Variants in ANXA8 observed in about 807,000 individuals in gnomAD.
The protein encoded by ANXA8 is VAC-beta.
ANXA8 carries 9 observed loss-of-function variants against 26.8 expected under a neutral mutation model. The observed-to-expected ratio is 0.34, with a 90% CI of 0.20 to 0.59. The LOEUF is 0.59. ANXA8 is among the 20% of genes least tolerant of loss of function. The probability of loss-of-function intolerance (pLI) is 0.84; values close to 1 mark genes in which losing one functional copy is unlikely to be tolerated. For synonymous variants in ANXA8, 39 were observed against 94.8 expected (o/e 0.41, Z 3.42); for missense variants, 83 against 238.5 (o/e 0.35, Z 4.29).
chr10:47,577,638 C>T, the ANXA8 span, among the ~76,000 whole-genome samples: 1 of 128,524 alleles, frequency 7.8e-6, no homozygotes, highest in Non-Finnish European at 1.6e-5. Flanking sequence ...CATACCACTG[C>T]ACTCCAGCCT....
the ANXA8 span, among the ~76,000 whole-genome samples, chr10:47,567,697 TTTA>T: frequency 1.3e-5 from 2 of 149,816 alleles, no homozygotes; most frequent in African/African-American, 2.5e-5. Context: ...GGTTTAAGTA[TTTA>T]TTATTATTGG....
chr10:47,528,604 CAAAAAGTTAA>C, the ANXA8 span, among the ~76,000 whole-genome samples: 1 of 151,374 alleles, frequency 6.6e-6, no homozygotes, highest in South Asian at 2.1e-4. Context: ...ATTTTTCCCA[CAAAAAGTTAA>C]AAGAAATAAC....
chr10:47,768,103 G>C, the ANXA8 span, among the ~76,000 whole-genome samples: 1 of 150,768 alleles, frequency 6.6e-6, no homozygotes, highest in Admixed American at 6.6e-5. Flanking sequence ...GGCAAGGCTT[G>C]TCCTTCCTCA....
At chr10:47,513,161 A>C in the ANXA8 span, among the ~76,000 whole-genome samples, 1 of 149,398 alleles carries the variant, frequency 6.7e-6, no homozygotes, top group Non-Finnish European at 1.5e-5. Context: ...CAGCCACCCG[A>C]GTAGATGGGA....
the ANXA8 span, among the ~76,000 whole-genome samples, chr10:47,699,715 C>A: frequency 6.6e-6 from 1 of 151,546 alleles, no homozygotes; most frequent in African/African-American, 2.4e-5. Flanking sequence ...GTGGTCCCAG[C>A]TGTTTGGGAG....
the ANXA8 span, among the ~76,000 whole-genome samples, chr10:47,940,926 G>A: frequency 7.1e-6 from 1 of 140,742 alleles, no homozygotes; most frequent in Non-Finnish European, 1.5e-5. Flanking sequence ...AAGAGGGAGG[G>A]AGGAAGGGAG....
the ANXA8 span, among the ~76,000 whole-genome samples, chr10:47,554,043 A>G: frequency 1.3e-5 from 2 of 149,468 alleles, no homozygotes; most frequent in Non-Finnish European, 3.0e-5. Flanking sequence ...AGGCCGAGGC[A>G]GGAGGATTGC....
Position 47,474,820 on chromosome 10 carries a change from A to G in ANXA8, c.552+125T>C. 3 of 1,200,672 alleles carry G rather than the reference A, an allele frequency of 2.5e-6. No homozygotes were observed. The South Asian group carries it at 4.1e-5, about 17-fold the overall frequency. The allele number at this position is 1,200,672 out of a possible 1,614,324, so 74.4% of individuals were successfully genotyped here. A position where few individuals can be genotyped will look rare whatever the true frequency, so the allele number is the denominator to read the frequency against. ...TCTCCTCCCCAGACACCACAGGACA[A>G]AGGCCTATAGGGAGCTGAGCTGGGT... On this transcript the variant is annotated intron_variant, in intron 7 of 11. Coordinates refer to ENST00000585281, the MANE Select transcript of ANXA8 (RefSeq NM_001040084.3).
At chr10:47,941,028 C>G in the ANXA8 span, among the ~76,000 whole-genome samples, 4 of 143,048 alleles carry the variant, frequency 2.8e-5, no homozygotes, top group Non-Finnish European at 6.0e-5. Flanking sequence ...GTCTTGGGCA[C>G]AGTACTTTAT....
chr10:47,951,955 A>G, the ANXA8 span, among the ~76,000 whole-genome samples: 3 of 150,716 alleles, frequency 2.0e-5, no homozygotes, highest in African/African-American at 7.4e-5. Flanking sequence ...TAATCAGTGC[A>G]ATTGACCAAT....
the ANXA8 span, among the ~76,000 whole-genome samples, chr10:47,735,357 A>G: frequency 3.4e-5 from 5 of 145,194 alleles, no homozygotes; most frequent in Admixed American, 3.5e-4. Context: ...GGCCTCCCAA[A>G]GTGCTAGGAC....
chr10:47,699,489 A>G, the ANXA8 span, among the ~76,000 whole-genome samples: 1 of 151,616 alleles, frequency 6.6e-6, no homozygotes, highest in Non-Finnish European at 1.5e-5. Flanking sequence ...AATTTAAATA[A>G]TAAGATAATT....
the ANXA8 span, among the ~76,000 whole-genome samples, chr10:47,699,984 T>A: frequency 1.3e-5 from 2 of 151,586 alleles, no homozygotes; most frequent in African/African-American, 4.9e-5. Context: ...GAGGAAAAAA[T>A]TTAAACACTC....
chr10:47,767,819 G>A, the ANXA8 span, among the ~76,000 whole-genome samples: 17 of 150,594 alleles, frequency 1.1e-4, 1 homozygote, highest in Middle Eastern at 7.1e-3. Flanking sequence ...AGCTAAGTCT[G>A]GGGCCATGGA....
the ANXA8 span, among the ~76,000 whole-genome samples, chr10:47,743,341 C>CACATATATATATATACAT: frequency 8.7e-4 from 47 of 53,742 alleles, 4 homozygotes; most frequent in African/African-American, 2.3e-3. Flanking sequence ...TATATATATA[C>CACATATATATATATACAT]ATATATATAT....
chr10:47,500,660 T>A, the ANXA8 span, among the ~76,000 whole-genome samples: 1 of 105,000 alleles, frequency 9.5e-6, no homozygotes, highest in Non-Finnish European at 1.8e-5. Context: ...AGATGCTCCT[T>A]TTTAAAAGCT....
At chr10:47,657,919 G>C in the ANXA8 span, among the ~76,000 whole-genome samples, 1 of 151,698 alleles carries the variant, frequency 6.6e-6, no homozygotes, top group Non-Finnish European at 1.5e-5. Flanking sequence ...CTTTGGTGCT[G>C]ACTTCTCCTG....
intron 1 of ANXA8, among the ~76,000 whole-genome samples, chr10:47,482,792 C>T (rs1168873880): frequency 4.7e-5 from 7 of 150,348 alleles, no homozygotes; most frequent in Admixed American, 4.6e-4. Flanking sequence ...AGGACACTTG[C>T]TTGGGTTGCG....
At chr10:47,954,705 A>AG in the ANXA8 span, among the ~76,000 whole-genome samples, 2 of 150,948 alleles carry the variant, frequency 1.3e-5, 1 homozygote, top group African/African-American at 4.9e-5. Flanking sequence ...AAAATAAAAA[A>AG]AAAACAGAAA....
Sources: allele counts gnomAD v4.1 joint callset (sites outside exome capture counted in the v4.1 genomes callset), GRCh38; gene constraint gnomAD v4.1.1; transcripts MANE v1.5; gene names NCBI Gene and HGNC (gene_info 2026-07-23, HGNC 2026-07-21).